Variants in PRKCH observed in about 807,000 individuals in gnomAD.
PRKCH encodes the protein protein kinase C eta, also known as protein kinase C eta type.
In PRKCH, 28 loss-of-function variants were observed where a neutral mutation model predicts 82.5. The ratio of observed to expected loss-of-function variants is 0.34; its 90% CI spans 0.25 to 0.47. PRKCH has a LOEUF of 0.47. Among genes scored for constraint, PRKCH ranks in the 20% least tolerant of loss-of-function variants. PRKCH has a pLI of 1.00. For missense variants in PRKCH, 705 were observed against 881.8 expected (o/e 0.80, Z 2.54); for synonymous variants, 322 against 327.4 (o/e 0.98, Z 0.18).
intron 1 of PRKCH, among the ~76,000 whole-genome samples, chr14:61,198,392 G>T (rs754262629): frequency 6.6e-6 from 1 of 152,116 alleles, no homozygotes; most frequent in Non-Finnish European, 1.5e-5. Context: ...TGTTTCCTCT[G>T]TTGGAAAGCC....
intron 1 of PRKCH, among the ~76,000 whole-genome samples, chr14:61,323,826 A>G (rs1330265729): frequency 1.3e-5 from 2 of 152,220 alleles, no homozygotes; most frequent in African/African-American, 2.4e-5. Flanking sequence ...GAATTTCTGG[A>G]AATGAAATAG....
At chr14:61,318,370 T>G (rs1434528913), upstream of PRKCH, among the ~76,000 whole-genome samples, 1 of 149,980 alleles carries the variant, frequency 6.7e-6, no homozygotes, top group African/African-American at 2.5e-5. Context: ...AAAAAGTTTT[T>G]TTTTTTTTTT....
chr14:61,385,840 T>C (rs1024528922), intron 1 of PRKCH, among the ~76,000 whole-genome samples: 2 of 152,216 alleles, frequency 1.3e-5, no homozygotes. Context: ...GCATAATGAC[T>C]ACAACATGAT....
At chr14:61,426,499 G>A (rs1307296685) in intron 2 of PRKCH, among the ~76,000 whole-genome samples, 2 of 152,188 alleles carry the variant, frequency 1.3e-5, no homozygotes, top group Non-Finnish European at 2.9e-5. Context: ...CAGTAGGAAT[G>A]TTTTCATCAC....
intron 10 of PRKCH, among the ~76,000 whole-genome samples, chr14:61,520,884 T>TA (rs1309137873): frequency 6.6e-6 from 1 of 152,292 alleles, no homozygotes; most frequent in Non-Finnish European, 1.5e-5. Context: ...TTTCTACTTC[T>TA]AAAAAAATGT....
intron 1 of PRKCH, among the ~76,000 whole-genome samples, chr14:61,217,055 C>T (rs2044621065): frequency 6.6e-6 from 1 of 151,978 alleles, no homozygotes; most frequent in African/African-American, 2.4e-5. Flanking sequence ...AGATTTGCAC[C>T]CTTTACTAAA....
intron 1 of PRKCH, among the ~76,000 whole-genome samples, chr14:61,333,273 A>G (rs1293046319): frequency 6.6e-6 from 1 of 152,200 alleles, no homozygotes; most frequent in Non-Finnish European, 1.5e-5. Flanking sequence ...CTGTTTCTGG[A>G]AAAATGCACA....
rs60055073 is a variant in PRKCH at position 61,210,111 on chromosome 14, AATATATATATATATATAT to A, written c.-19+22477_-19+22494del. ...AAAAAACAAAACAAACAAACAAACA[AATATATATATATATATAT>A]ATATATATATATATATATATATATA... On this transcript the variant is annotated intron_variant, in intron 1 of 3. Transcript: ENST00000555185. Among the ~76,000 whole-genome samples, 313 of 87,388 alleles carry A rather than the reference AATATATATATATATATAT, an allele frequency of 3.6e-3. 5 individuals carry two copies. Among genetic ancestry groups the A allele is most frequent in the East Asian group, 5.9e-3 (18 of 3,040 alleles). The allele number at this position is 87,388 out of a possible 152,430, so 57.3% of individuals were successfully genotyped here.
intron 1 of PRKCH, among the ~76,000 whole-genome samples, chr14:61,360,704 C>T (rs1051201611): frequency 6.6e-6 from 1 of 152,116 alleles, no homozygotes; most frequent in Non-Finnish European, 1.5e-5. Context: ...TCTTTATTTT[C>T]CTCCCCAGTT....
chr14:61,322,739 C>T, intron 1 of PRKCH: 5 of 381,208 alleles, frequency 1.3e-5, no homozygotes, highest in Non-Finnish European at 2.4e-5. Flanking sequence ...CCAGGGCGGT[C>T]ACCCTTTCCG....
At chr14:61,226,044 A>G (rs1246268350) in intron 1 of PRKCH, among the ~76,000 whole-genome samples, 2 of 152,234 alleles carry the variant, frequency 1.3e-5, no homozygotes, top group Non-Finnish European at 2.9e-5. Flanking sequence ...AGAACTGACA[A>G]AATGAAAATT....
At chr14:61,514,843 C>T (rs1594777739) in intron 10 of PRKCH, among the ~76,000 whole-genome samples, 1 of 152,180 alleles carries the variant, frequency 6.6e-6, no homozygotes, top group South Asian at 2.1e-4. Flanking sequence ...TATAACAGCC[C>T]AGACGGGATT....
rs2043012125 is a variant in PRKCH, at chr14:61,529,217, A to T, written c.1572+4A>T. 3 of 1,605,238 alleles carry T rather than the reference A, an allele frequency of 1.9e-6. No homozygotes were observed. On this transcript the variant is annotated splice_donor_region_variant and intron_variant, in intron 11 of 13. Transcript: ENST00000332981. Reference sequence around the variant, plus strand: ...GCCAGACTATATCGCTCCAGAGGTGAGTGCAGCTGCTTGATGCAGCTCTGA... The same window carrying T: ...GCCAGACTATATCGCTCCAGAGGTGTGTGCAGCTGCTTGATGCAGCTCTGA...
rs1177644387 is a variant in PRKCH, at chr14:61,549,776, T to A, written c.1997T>A (p.Ile666Asn). ...TPIDEGHLPM[I>N]NQDEFRNFSY... is the part of the protein sequence containing the mutation. Reference sequence around the variant, plus strand: ...ATTGATGAGGGACATCTTCCAATGATTAACCAGGATGAGTTTAGAAACTTT... The same window carrying A: ...ATTGATGAGGGACATCTTCCAATGAATAACCAGGATGAGTTTAGAAACTTT... Residue 666 changes from isoleucine (I) to asparagine (N), a missense_variant, in exon 14 of 14, where the codon ATT becomes AAT. Ile to Asn is a moderately radical substitution (Grantham distance 149, BLOSUM62 -3). Coordinates refer to ENST00000332981, the MANE Select transcript of PRKCH (RefSeq NM_006255.5). 2 of 1,614,064 alleles carry A rather than the reference T, an allele frequency of 1.2e-6. No homozygotes were observed. The highest frequency in any genetic ancestry group is 3.3e-5 in the Admixed American group (2 of 60,026).
At chr14:61,449,856 G>GTCTCTCTCTCTC (rs149977373) in intron 5 of PRKCH, among the ~76,000 whole-genome samples, 86 of 142,382 alleles carry the variant, frequency 6.0e-4, no homozygotes, top group African/African-American at 2.3e-3. Context: ...CAGGGAAGAT[G>GTCTCTCTCTCTC]TCTCTCTCTC....
At chr14:61,478,079 C>T (rs867170049) in intron 9 of PRKCH, among the ~76,000 whole-genome samples, 3 of 152,214 alleles carry the variant, frequency 2.0e-5, no homozygotes, top group African/African-American at 7.2e-5. Context: ...TGGGAGCAGA[C>T]GGCCATGGCG....
chr14:61,398,446 T>C (rs1307817169), intron 2 of PRKCH, among the ~76,000 whole-genome samples: 1 of 152,226 alleles, frequency 6.6e-6, no homozygotes, highest in Non-Finnish European at 1.5e-5. Context: ...GCTGGATTAT[T>C]ATGCTACTAA....
chr14:61,549,669 C>CTTT lies in PRKCH; in HGVS notation c.1906-8_1906-6dup. On this transcript the variant is annotated splice_polypyrimidine_tract_variant and intron_variant, in intron 13 of 13. Coordinates refer to ENST00000332981, the MANE Select transcript of PRKCH (RefSeq NM_006255.5). ...GCGCAAAAATCTCACCCTTGTTTCC[C>CTTT]TTTTTTTTTTGGCAGAAATCCCGAG... 5 of 1,360,314 alleles carry CTTT rather than the reference C, an allele frequency of 3.7e-6. No individual in the cohort carries two copies. Among genetic ancestry groups the CTTT allele is most frequent in the Admixed American group, 3.9e-5 (2 of 51,664 alleles). The allele number at this position is 1,360,314 out of a possible 1,614,324, so 84.3% of individuals were successfully genotyped here.
chr14:61,216,883 T>C (rs991497290), intron 1 of PRKCH, among the ~76,000 whole-genome samples: 2 of 152,224 alleles, frequency 1.3e-5, no homozygotes, highest in African/African-American at 4.8e-5. Context: ...GGAACAAAGT[T>C]ATTCTGGCGT....
Sources: allele counts gnomAD v4.1 joint callset (sites outside exome capture counted in the v4.1 genomes callset), GRCh38; gene constraint gnomAD v4.1.1; transcripts MANE v1.5; gene names NCBI Gene and HGNC (gene_info 2026-07-23, HGNC 2026-07-21).